SAMMSON: variants seen among roughly 807,000 people sequenced by gnomAD.
SAMMSON encodes the protein survival associated mitochondrial melanoma specific oncogenic non-coding RNA.
intron 9 of SAMMSON, among the ~76,000 whole-genome samples, chr3:70,381,597 G>A (rs1703068908): frequency 1.3e-5 from 2 of 152,058 alleles, no homozygotes; most frequent in South Asian, 4.1e-4. Flanking sequence ...AGACACTACA[G>A]AGTACATGTT....
chr3:70,199,610 A>G (rs1396022721), intron 4 of SAMMSON, among the ~76,000 whole-genome samples: 2 of 152,174 alleles, frequency 1.3e-5, no homozygotes, highest in Admixed American at 6.5e-5. Context: ...CCTAAAAGGC[A>G]TGTTAAATAG....
chr3:70,379,121 C>T (rs1282276174), intron 9 of SAMMSON, among the ~76,000 whole-genome samples: 1 of 151,954 alleles, frequency 6.6e-6, no homozygotes, highest in Non-Finnish European at 1.5e-5. Context: ...TCAAGCCATT[C>T]TTCTGCCTCA....
chr3:70,062,121 G>A (rs930920686), intron 3 of SAMMSON, among the ~76,000 whole-genome samples: 8 of 151,996 alleles, frequency 5.3e-5, no homozygotes, highest in African/African-American at 1.9e-4. Flanking sequence ...CATAGTCTGT[G>A]TGCCACTGTT....
intron 3 of SAMMSON, among the ~76,000 whole-genome samples, chr3:70,066,121 G>A (rs1298375399): frequency 2.0e-5 from 3 of 152,020 alleles, no homozygotes; most frequent in Admixed American, 6.6e-5. Context: ...GGTGCCTCGG[G>A]TTGCCAAGTT....
intron 4 of SAMMSON, among the ~76,000 whole-genome samples, chr3:70,148,377 T>C (rs940534821): frequency 6.6e-6 from 1 of 152,170 alleles, no homozygotes; most frequent in Non-Finnish European, 1.5e-5. Flanking sequence ...AGGTAATTTG[T>C]TTCTTATTCT....
At chr3:70,037,516 A>G (rs1229514134) in intron 3 of SAMMSON, among the ~76,000 whole-genome samples, 1 of 152,168 alleles carries the variant, frequency 6.6e-6, no homozygotes, top group African/African-American at 2.4e-5. Context: ...CAAGAGATGG[A>G]GAGAGAAAAA....
chr3:70,011,549 T>C (rs573939381), intron 1 of SAMMSON, among the ~76,000 whole-genome samples: 29 of 152,158 alleles, frequency 1.9e-4, no homozygotes, highest in Non-Finnish European at 3.8e-4. Flanking sequence ...TAGTTGAAGA[T>C]TTAAGAGAGT....
intron 4 of SAMMSON, among the ~76,000 whole-genome samples, chr3:70,152,636 G>A (rs762556131): frequency 4.6e-5 from 7 of 151,886 alleles, no homozygotes; most frequent in East Asian, 1.9e-4. Context: ...AGATATTGTC[G>A]GAATAGACTG....
chr3:70,117,092 T>TA (rs1156520590), intron 4 of SAMMSON, among the ~76,000 whole-genome samples: 1 of 152,188 alleles, frequency 6.6e-6, no homozygotes, highest in African/African-American at 2.4e-5. Flanking sequence ...ATGTCAGGAA[T>TA]AATAAGATAA....
Position 70,406,955 on chromosome 3 carries a change from T to C in SAMMSON, n.233+48631T>C, listed in dbSNP as rs532847612. ...AGACTGGGAAGAAAAAGAGGTTTAA[T>C]TGGACTTACAGTTCCACATGGCCAG... On this transcript the variant is annotated intron_variant and non_coding_transcript_variant, in intron 2 of 3. Coordinates refer to the SAMMSON transcript ENST00000641053. Among the ~76,000 whole-genome samples, 3 of 152,316 alleles carry C rather than the reference T, an allele frequency of 2.0e-5. No homozygotes were observed. In the South Asian group the frequency reaches 6.2e-4, roughly 32 times the overall value.
chr3:70,411,972 CAT>C (rs1701223273), intron 2 of SAMMSON, among the ~76,000 whole-genome samples: 1 of 152,098 alleles, frequency 6.6e-6, no homozygotes. Context: ...ACACATGAAA[CAT>C]GTAACAAAAA....
intron 7 of SAMMSON, among the ~76,000 whole-genome samples, chr3:70,306,357 C>T (rs1204974064): frequency 6.6e-6 from 1 of 152,120 alleles, no homozygotes; most frequent in Non-Finnish European, 1.5e-5. Flanking sequence ...ATGATCTACC[C>T]GCCTCGGCCT....
At chr3:70,279,348 C>G (rs1211570384) in intron 6 of SAMMSON, among the ~76,000 whole-genome samples, 1 of 151,992 alleles carries the variant, frequency 6.6e-6, no homozygotes, top group Non-Finnish European at 1.5e-5. Flanking sequence ...GATTTGAAAC[C>G]AAATCCATTC....
At chr3:70,285,522 G>T (rs1702151957) in intron 6 of SAMMSON, among the ~76,000 whole-genome samples, 1 of 151,932 alleles carries the variant, frequency 6.6e-6, no homozygotes, top group Non-Finnish European at 1.5e-5. Flanking sequence ...AAAAATACGT[G>T]TGCATGTGTC....
chr3:70,047,451 C>A (rs2067131234), intron 3 of SAMMSON, among the ~76,000 whole-genome samples: 1 of 151,696 alleles, frequency 6.6e-6, no homozygotes, highest in Non-Finnish European at 1.5e-5. Context: ...ATTCTCCTGC[C>A]TCAGCCTCCC....
intron 7 of SAMMSON, chr3:70,312,593 C>G (rs1019636777): frequency 6.6e-6 from 1 of 152,218 alleles, no homozygotes; most frequent in African/African-American, 2.4e-5. Flanking sequence ...GACTGGGGAG[C>G]AGTGAGCTGC....
chr3:70,431,346 C>G (rs1431224266), intron 2 of SAMMSON, among the ~76,000 whole-genome samples: 1 of 151,938 alleles, frequency 6.6e-6, no homozygotes, highest in Non-Finnish European at 1.5e-5. Context: ...CTGTGAGATC[C>G]TTTGTCAGGT....
intron 4 of SAMMSON, among the ~76,000 whole-genome samples, chr3:70,166,608 C>T (rs2067638266): frequency 6.6e-6 from 1 of 151,822 alleles, no homozygotes; most frequent in Non-Finnish European, 1.5e-5. Context: ...CTGGCTGCTC[C>T]CGTAGAGGTA....
rs571434788 is a variant in SAMMSON at position 70,154,869 on chromosome 3, C to T, written n.507+83304C>T. 7.9e-5 allele frequency among the ~76,000 whole-genome samples: 12 copies of T among 151,948 alleles called. No individual in the cohort carries two copies. In the South Asian group the frequency reaches 1.0e-3, roughly 13 times the overall value. On this transcript the variant is annotated intron_variant and non_coding_transcript_variant, in intron 4 of 9. Coordinates refer to ENST00000642114, the Ensembl canonical transcript of SAMMSON. The stretch of plus-strand genomic sequence containing the variant: ...TGGAGAGGGGCATCCCCAGGGACAA[C>T]TTAAATATAGGCTGGAGAGAAAAAT...
Sources: gnomAD v4.1 joint callset for allele counts (sites outside exome capture counted in the v4.1 genomes callset) on GRCh38, gnomAD v4.1.1 for gene constraint, MANE v1.5 for transcripts, NCBI Gene and HGNC (gene_info 2026-07-23, HGNC 2026-07-21) for gene names.